Variants in DOK7 observed in about 807,000 individuals in gnomAD.
DOK7 encodes docking protein 7.
A neutral mutation model predicts 30.7 loss-of-function variants in DOK7; 32 were observed. The observed-to-expected ratio is 1.04, with a 90% CI of 0.79 to 1.40. The LOEUF is 1.40. DOK7 is among the 40% of genes most tolerant of loss of function. The pLI is 0.00. For synonymous variants in DOK7, 447 were observed against 324.1 expected (o/e 1.38, Z -4.07); for missense variants, 1,007 against 699.2 (o/e 1.44, Z -4.97).
At chr4:3,492,623 G>GC (rs1728552649) in intron 6 of DOK7, 136 bp from the exon 7 acceptor site, 5 of 1,201,266 alleles carry the variant, frequency 4.2e-6, no homozygotes, top group East Asian at 2.5e-5. Flanking sequence ...TCTGCTGTAG[G>GC]CCCCGGGGCT....
At position 3,489,800 on chromosome 4, in the gene DOK7, G is replaced by A. The variant is rs765981530; in HGVS notation, c.772+4G>A. On this transcript the variant is annotated splice_donor_region_variant and intron_variant, in intron 6 of 6. Transcript: ENST00000340083. ...GCGGGCAGGCCGGGCAGTGGAGGTA[G>A]GGCCGGGGGCTGACCTGGGCTGTGG... 2 of 1,570,806 alleles carry A rather than the reference G, an allele frequency of 1.3e-6. No homozygotes were observed. The highest frequency in any genetic ancestry group is 1.2e-5 in the South Asian group (1 of 85,562).
At chr4:3,501,101 A>G in exon 8 of DOK7, 1 of 496,986 alleles carries the variant, frequency 2.0e-6, no homozygotes, top group Non-Finnish European at 3.5e-6. Flanking sequence ...GGCATCAGGC[A>G]GCTCTGGTAG....
intron 4 of DOK7, among the ~76,000 whole-genome samples, chr4:3,481,062 G>A (rs942381843): frequency 6.6e-6 from 1 of 152,076 alleles, no homozygotes; most frequent in Non-Finnish European, 1.5e-5. Context: ...ACGAATGGGT[G>A]TCCCGAAGGG....
intron 4 of DOK7, among the ~76,000 whole-genome samples, chr4:3,481,972 C>T (rs1050912448): frequency 4.6e-5 from 7 of 152,046 alleles, no homozygotes; most frequent in African/African-American, 1.5e-4. Flanking sequence ...CCAGAGTTGG[C>T]GCCGCCCTGA....
chr4:3,486,326 G>A (rs1312235588), intron 5 of DOK7, among the ~76,000 whole-genome samples: 1 of 152,244 alleles, frequency 6.6e-6, no homozygotes, highest in East Asian at 1.9e-4. Flanking sequence ...TGCCTCCATG[G>A]GCTCTCTCAA....
chr4:3,479,313 G>A (rs1321134094), intron 4 of DOK7, among the ~76,000 whole-genome samples: 1 of 152,208 alleles, frequency 6.6e-6, no homozygotes, highest in Non-Finnish European at 1.5e-5. Context: ...ACCCCATCCC[G>A]AGACCATCAA....
rs144007944 is a variant in DOK7 at position 3,485,723 on chromosome 4, G to T, written c.652+65G>T. 9.1e-6 allele frequency: 13 copies of T among 1,427,282 alleles called. No individual in the cohort carries two copies. The African/African-American group carries it at 1.0e-4, about 11-fold the overall frequency. 88.4% of individuals were successfully genotyped at this position (1,427,282 alleles called of 1,614,324 possible). On this transcript the variant is annotated intron_variant, in intron 5 of 6. Coordinates refer to ENST00000340083, the MANE Select transcript of DOK7 (RefSeq NM_173660.5). ...GGCAGGCTGTGCGACGTCCCGGGGC[G>T]GGGGGCCACAGTGATTTGTCAGCCC...
intron 6 of DOK7, among the ~76,000 whole-genome samples, chr4:3,490,371 C>CTT (rs1560226618): frequency 1.7e-5 from 2 of 115,422 alleles, no homozygotes; most frequent in Admixed American, 9.3e-5. Flanking sequence ...TCATTCCTTC[C>CTT]TTCCCCCCAC....
rs564897555 is a variant in DOK7 at position 3,500,957 on chromosome 4, G to A, written c.*132G>A. On this transcript the variant is annotated 3_prime_UTR_variant, in exon 8 of 8. Coordinates refer to the DOK7 transcript ENST00000643608. Reference sequence around the variant, plus strand: ...CCAGTCGCAGGAGCAGGCATGGCCGGTCTCCGGGCCATGGTGCAAACAGGA... The same window carrying A: ...CCAGTCGCAGGAGCAGGCATGGCCGATCTCCGGGCCATGGTGCAAACAGGA... The A allele has an allele frequency of 1.8e-5, 24 of 1,356,190 alleles. No homozygotes were observed. In the East Asian group the frequency reaches 4.9e-4, roughly 28 times the overall value. 84.0% of individuals were successfully genotyped at this position (1,356,190 alleles called of 1,614,324 possible).
At chr4:3,490,277 A>ACCCTGCTCATTCATTCCTTCCTTCCCCT (rs1728184861) in intron 6 of DOK7, among the ~76,000 whole-genome samples, 1 of 51,682 alleles carries the variant, frequency 1.9e-5, no homozygotes, top group African/African-American at 8.2e-5. Flanking sequence ...TTCCTTCCCC[A>ACCCTGCTCATTCATTCCTTCCTTCCCCT]CCTTGCTCAT....
chr4:3,491,812 A>G (rs1440645692), intron 6 of DOK7, among the ~76,000 whole-genome samples: 2 of 152,194 alleles, frequency 1.3e-5, no homozygotes, highest in Non-Finnish European at 2.9e-5. Flanking sequence ...TTGTGGGGAG[A>G]GGTGGTGGTG....
In DOK7 at chr4:3,493,728, G is replaced by A. The variant is rs113865509; in HGVS notation, c.*227G>A. ...GCAGGGGCTCTGGGTCCGGCAGGTC[G>A]GGGTCACCAGAGCCCCAATGCTCAG... On this transcript the variant is annotated 3_prime_UTR_variant, in exon 7 of 7. Coordinates refer to ENST00000340083, the MANE Select transcript of DOK7 (RefSeq NM_173660.5). 5.8e-4 allele frequency: 829 copies of A among 1,422,668 alleles called. 5 individuals are homozygous for A. The African/African-American group carries it at 6.9e-3, about 12-fold the overall frequency. 88.1% of individuals were successfully genotyped at this position (1,422,668 alleles called of 1,614,324 possible).
Position 3,494,195 on chromosome 4 carries a change from G to C in DOK7, c.*694G>C. 8.1e-6 allele frequency: 8 copies of C among 985,528 alleles called. No individual in the cohort carries two copies. Among genetic ancestry groups the C allele is most frequent in the Admixed American group, 6.1e-5 (1 of 16,294 alleles). The allele number at this position is 985,528 out of a possible 1,614,324, so 61.0% of individuals were successfully genotyped here. The stretch of plus-strand genomic sequence containing the variant: ...CCCACTGGGAGAGGCGCCGTGCCTC[G>C]GGCCCCTGGTGGGAGCTCTGCTGGC... On this transcript the variant is annotated 3_prime_UTR_variant, in exon 7 of 7. Coordinates refer to ENST00000340083, the MANE Select transcript of DOK7 (RefSeq NM_173660.5).
chr4:3,500,318 C>T (rs958411268), exon 7 of DOK7: 63 of 1,535,858 alleles, frequency 4.1e-5, no homozygotes, highest in Middle Eastern at 1.7e-4. Flanking sequence ...CGCCCACTTA[C>T]GTGAACATCC....
chr4:3,500,067 C>A (rs1357389098), intron 6 of DOK7, among the ~76,000 whole-genome samples: 11 of 150,886 alleles, frequency 7.3e-5, no homozygotes, highest in African/African-American at 2.7e-4. Context: ...GGGGGGGCCT[C>A]AGGATGGGGC....
intron 6 of DOK7, among the ~76,000 whole-genome samples, chr4:3,492,269 C>T (rs182957611): frequency 2.0e-4 from 30 of 151,914 alleles, no homozygotes; most frequent in South Asian, 1.5e-3. Context: ...GGGGGCGAGT[C>T]GAGGTGTGTG....
intron 5 of DOK7, among the ~76,000 whole-genome samples, 172 bp from the exon 6 acceptor site, chr4:3,489,505 G>T (rs1007716365): frequency 1.3e-5 from 2 of 152,186 alleles, no homozygotes; most frequent in South Asian, 4.1e-4. Context: ...TGGTGTGGGT[G>T]TCTGCGTTTG....
At position 3,493,809 on chromosome 4, in the gene DOK7, T is replaced by C; in HGVS notation, c.*308T>C. 1 of 1,281,844 alleles carries C rather than the reference T, an allele frequency of 7.8e-7. No homozygotes were observed. The highest frequency in any genetic ancestry group is 3.5e-5 in the East Asian group (1 of 28,434). 79.4% of individuals were successfully genotyped at this position (1,281,844 alleles called of 1,614,324 possible). ...GATCAGGTGAGTGCTGCACCTCTGT[T>C]GGCTCGTGCCTTGCACTGGGGTGCC... On this transcript the variant is annotated 3_prime_UTR_variant, in exon 7 of 7. Transcript: ENST00000340083.
chr4:3,497,863 G>A (rs558979659), downstream of DOK7, among the ~76,000 whole-genome samples: 80 of 152,266 alleles, frequency 5.3e-4, no homozygotes, highest in African/African-American at 1.8e-3. Flanking sequence ...CAGACCAGAG[G>A]TGGTGGGGCC....
Sources: allele counts gnomAD v4.1 joint callset (sites outside exome capture counted in the v4.1 genomes callset), GRCh38; gene constraint gnomAD v4.1.1; transcripts MANE v1.5; gene names NCBI Gene and HGNC (gene_info 2026-07-23, HGNC 2026-07-21).